Variants in SEL1L2 observed in about 807,000 individuals in gnomAD.
SEL1L2 encodes the protein SEL1L2 adaptor subunit of SYVN1 ubiquitin ligase, also known as protein sel-1 homolog 2.
Under a neutral mutation model 98.8 loss-of-function variants are expected in SEL1L2, and 89 were observed. The ratio of observed to expected loss-of-function variants is 0.90; its 90% CI spans 0.76 to 1.07. The LOEUF is 1.07. Among genes scored for constraint, SEL1L2 ranks in the 50% least tolerant of loss-of-function variants. SEL1L2 has a pLI of 0.00. For missense variants in SEL1L2, 788 were observed against 812.0 expected (o/e 0.97, Z 0.36); for synonymous variants, 262 against 278.5 (o/e 0.94, Z 0.59).
At chr20:13,982,687 T>C (rs1044108672) in intron 1 of SEL1L2, among the ~76,000 whole-genome samples, 1 of 151,886 alleles carries the variant, frequency 6.6e-6, no homozygotes, top group African/African-American at 2.4e-5. Flanking sequence ...CCAGAACTCC[T>C]GGCAATGCCT....
At chr20:13,881,889 T>C (rs1196145645) in intron 10 of SEL1L2, among the ~76,000 whole-genome samples, 1 of 152,134 alleles carries the variant, frequency 6.6e-6, no homozygotes, top group Admixed American at 6.5e-5. Flanking sequence ...AAATAAGATA[T>C]TGTATATTTC....
rs1033010964 is a variant in SEL1L2 at position 13,932,699 on chromosome 20, G to A, written c.115-928C>T. ...GCCCGCCTCGGCCTCCCAAAGTGCC[G>A]GGATTACAGGCATGAGCCACCACAC... On this transcript the variant is annotated intron_variant, in intron 2 of 19. Transcript: ENST00000284951. Among the ~76,000 whole-genome samples the A allele has an allele frequency of 5.9e-5, 9 of 152,196 alleles. No homozygotes were observed. In the South Asian group the frequency reaches 8.3e-4, roughly 14 times the overall value.
chr20:13,859,475 G>C, intron 17 of SEL1L2, 41 bp from the exon 18 acceptor site: 1 of 1,538,050 alleles, frequency 6.5e-7, no homozygotes, highest in East Asian at 2.3e-5. Context: ...TAACTCAAAT[G>C]ATTCATGTAT....
intron 1 of SEL1L2, among the ~76,000 whole-genome samples, chr20:13,960,213 G>A (rs2050717870): frequency 6.6e-6 from 1 of 152,204 alleles, no homozygotes; most frequent in South Asian, 2.1e-4. Context: ...AGAACGTACA[G>A]ACACAGAAGT....
intron 17 of SEL1L2, among the ~76,000 whole-genome samples, chr20:13,864,205 G>A (rs1014899843): frequency 7.2e-5 from 11 of 152,096 alleles, no homozygotes; most frequent in African/African-American, 1.2e-4. Flanking sequence ...TTTTTAAGGG[G>A]AATGTCTCAC....
chr20:13,865,412 C>T lies in SEL1L2; in HGVS notation c.1507G>A (p.Ala503Thr), dbSNP rs1990833803. The T allele has an allele frequency of 6.2e-7, 1 of 1,613,924 alleles. No individual in the cohort carries two copies. Among genetic ancestry groups the T allele is most frequent in the African/African-American group, 1.3e-5 (1 of 74,900 alleles). Reference protein sequence around the residue: ...GDIDSSLVQYALLAEMGYEVA... With the variant: ...GDIDSSLVQYTLLAEMGYEVA... ...TCATACCCCATTTCTGCAAGCAGTG[C>T]ATACTGAACAAGAGAAGAATCTATA... is the stretch of plus-strand genomic sequence containing the variant. Residue 503 changes from alanine (A) to threonine (T), a missense_variant, in exon 16 of 20, where the codon GCA becomes ACA. Ala to Thr is a moderately conservative substitution (Grantham distance 58, BLOSUM62 0). Coordinates refer to ENST00000284951, the MANE Select transcript of SEL1L2 (RefSeq NM_025229.2).
intron 17 of SEL1L2, among the ~76,000 whole-genome samples, chr20:13,860,397 T>C (rs946118414): frequency 6.6e-5 from 10 of 152,184 alleles, no homozygotes; most frequent in African/African-American, 2.4e-4. Context: ...ATTTTGAAGG[T>C]GGTAGATGAC....
intron 5 of SEL1L2, among the ~76,000 whole-genome samples, chr20:13,908,672 C>G (rs186175702): frequency 6.6e-6 from 1 of 152,238 alleles, no homozygotes; most frequent in East Asian, 1.9e-4. Flanking sequence ...CAATTTCCAC[C>G]ATTTTCATGA....
At chr20:13,920,024 T>A (rs149104001) in intron 3 of SEL1L2, among the ~76,000 whole-genome samples, 6,000 of 151,178 alleles carry the variant, frequency 0.04, 373 homozygotes, top group African/African-American at 0.13. Context: ...AGGTCAGGAG[T>A]TTGAGACTAG....
At chr20:13,904,294 C>T (rs571297682) in intron 5 of SEL1L2, among the ~76,000 whole-genome samples, 33 of 152,192 alleles carry the variant, frequency 2.2e-4, no homozygotes, top group African/African-American at 7.2e-4. Flanking sequence ...TTTGGGAGGC[C>T]GAGGTGAGCA....
chr20:13,875,583 G>A (rs1370025581), intron 12 of SEL1L2, among the ~76,000 whole-genome samples: 1 of 152,188 alleles, frequency 6.6e-6, no homozygotes, highest in Non-Finnish European at 1.5e-5. Flanking sequence ...ACAAGCTCCC[G>A]CCTGGGCCAG....
At chr20:13,963,593 G>A (rs1174025248) in intron 1 of SEL1L2, among the ~76,000 whole-genome samples, 1 of 151,780 alleles carries the variant, frequency 6.6e-6, no homozygotes, top group East Asian at 1.9e-4. Context: ...GCATATGCTT[G>A]TAGTCCCAGC....
chr20:13,888,370 T>C, intron 6 of SEL1L2, 89 bp downstream of exon 6: 1 of 831,968 alleles, frequency 1.2e-6, no homozygotes, highest in South Asian at 1.6e-5. Flanking sequence ...TACACTAGAG[T>C]GAGCCCCTTT....
At chr20:13,947,629 A>C (rs1451272417) in intron 2 of SEL1L2, among the ~76,000 whole-genome samples, 1 of 152,194 alleles carries the variant, frequency 6.6e-6, no homozygotes, top group African/African-American at 2.4e-5. Context: ...CCCACACTGC[A>C]GGCAATGAGA....
chr20:13,913,956 A>C lies in SEL1L2; in HGVS notation c.387-12T>G. 6.5e-7 allele frequency: 1 copy of C among 1,546,960 alleles called. No individual in the cohort carries two copies. Among genetic ancestry groups the C allele is most frequent in the African/African-American group, 1.4e-5 (1 of 70,202 alleles). On this transcript the variant is annotated splice_polypyrimidine_tract_variant and intron_variant, in intron 4 of 19. Coordinates refer to ENST00000284951, the MANE Select transcript of SEL1L2 (RefSeq NM_025229.2). ...AAAGTAGGTAGGCTCTGTTTCAAGA[A>C]TATAAAGTCAAGTTTGATTTTCAAA... is the stretch of plus-strand genomic sequence containing the variant.
At chr20:13,961,889 CT>C (rs2050790411) in intron 1 of SEL1L2, among the ~76,000 whole-genome samples, 1 of 152,154 alleles carries the variant, frequency 6.6e-6, no homozygotes, top group African/African-American at 2.4e-5. Flanking sequence ...TATATCTCTC[CT>C]TTTGGGACAG....
At chr20:13,920,982 GA>G (rs2048642423) in intron 3 of SEL1L2, among the ~76,000 whole-genome samples, 1 of 152,066 alleles carries the variant, frequency 6.6e-6, no homozygotes, top group Non-Finnish European at 1.5e-5. Context: ...ATTAAAGGGG[GA>G]AAATAATGGA....
At chr20:13,955,037 C>T (rs62207714) in intron 2 of SEL1L2, among the ~76,000 whole-genome samples, 7,251 of 152,154 alleles carry the variant, frequency 0.048, 243 homozygotes, top group Non-Finnish European at 0.073. Flanking sequence ...AGTTTACTTC[C>T]TCCATTTAGA....
chr20:13,868,114 A>G (rs1489745170), intron 14 of SEL1L2, among the ~76,000 whole-genome samples: 1 of 151,798 alleles, frequency 6.6e-6, no homozygotes, highest in African/African-American at 2.4e-5. Context: ...CAACCACTCT[A>G]CCTTTGCTCA....
Sources: allele counts gnomAD v4.1 joint callset (sites outside exome capture counted in the v4.1 genomes callset), GRCh38; gene constraint gnomAD v4.1.1; transcripts MANE v1.5; gene names NCBI Gene and HGNC (gene_info 2026-07-23, HGNC 2026-07-21).